KHDRBS2: variants seen among roughly 807,000 people sequenced by gnomAD.
KHDRBS2 encodes KH RNA binding domain containing, signal transduction associated 2, also known as KH domain-containing, RNA-binding, signal transduction-associated protein 2.
A neutral mutation model predicts 44.3 loss-of-function variants in KHDRBS2; 26 were observed. The ratio of observed to expected loss-of-function variants is 0.59; its 90% CI spans 0.43 to 0.81. The LOEUF (loss-of-function observed/expected upper bound fraction) is 0.81. Among genes scored for constraint, KHDRBS2 ranks in the 40% least tolerant of loss-of-function variants. The pLI, the probability that KHDRBS2 is intolerant of heterozygous loss-of-function variation, is 0.00. For synonymous variants in KHDRBS2, 194 were observed against 151.1 expected, an observed-to-expected ratio of 1.28 and a Z score of -2.08; for missense variants, 476 against 433.1, an observed-to-expected ratio of 1.10 and a Z score of -0.88.
At chr6:62,265,407 AGT>A (rs1347024250) in intron 1 of KHDRBS2, among the ~76,000 whole-genome samples, 1 of 151,770 alleles carries the variant, frequency 6.6e-6, no homozygotes, top group Non-Finnish European at 1.5e-5. Context: ...CAGTGAGAGG[AGT>A]GTGTGTATGT....
chr6:61,798,558 A>G (rs1264356291), intron 6 of KHDRBS2, among the ~76,000 whole-genome samples: 3 of 152,114 alleles, frequency 2.0e-5, no homozygotes, highest in Non-Finnish European at 4.4e-5. Context: ...TACTACAGTA[A>G]TCTATAAAAG....
At chr6:61,630,944 G>A in the KHDRBS2 span, among the ~76,000 whole-genome samples, 2 of 152,096 alleles carry the variant, frequency 1.3e-5, no homozygotes, top group African/African-American at 4.8e-5. Flanking sequence ...AGGCAGGATT[G>A]CTTTGGAAAC....
At chr6:62,215,483 G>A (rs925301553) in intron 1 of KHDRBS2, among the ~76,000 whole-genome samples, 1 of 151,780 alleles carries the variant, frequency 6.6e-6, no homozygotes, top group African/African-American at 2.4e-5. Context: ...GAGCACTCTG[G>A]AGCTTTAAGT....
intron 4 of KHDRBS2, among the ~76,000 whole-genome samples, chr6:61,938,032 C>T (rs1046238789): frequency 2.0e-5 from 3 of 152,052 alleles, no homozygotes; most frequent in Admixed American, 2.0e-4. Context: ...AGCTCCAGGA[C>T]ACCTTCTACA....
chr6:61,816,557 G>C, intron 6 of KHDRBS2: 1 of 424,196 alleles, frequency 2.4e-6, no homozygotes, highest in African/African-American at 2.0e-5. Context: ...TGACATATTG[G>C]ACTTCTAGCC....
chr6:62,275,859 T>C (rs1439521716), intron 1 of KHDRBS2, among the ~76,000 whole-genome samples: 1 of 152,206 alleles, frequency 6.6e-6, no homozygotes, highest in East Asian at 1.9e-4. Context: ...ATCTTCCTTT[T>C]TATCTTTTCC....
At chr6:61,735,156 A>C (rs1199406284) in intron 6 of KHDRBS2, among the ~76,000 whole-genome samples, 2 of 152,072 alleles carry the variant, frequency 1.3e-5, no homozygotes, top group Non-Finnish European at 2.9e-5. Flanking sequence ...TTTGGTGATA[A>C]ATTTAAATTA....
chr6:61,614,693 T>C, the KHDRBS2 span, among the ~76,000 whole-genome samples: 1 of 152,170 alleles, frequency 6.6e-6, no homozygotes, highest in Non-Finnish European at 1.5e-5. Context: ...CAGATTCTTT[T>C]ACTTTTTTCA....
At chr6:62,111,069 G>T (rs1471607977) in intron 2 of KHDRBS2, among the ~76,000 whole-genome samples, 4 of 151,952 alleles carry the variant, frequency 2.6e-5, no homozygotes, top group Admixed American at 6.6e-5. Flanking sequence ...CTTATAACTT[G>T]TAACAACCAA....
At chr6:61,731,960 G>T (rs1774526761) in intron 7 of KHDRBS2, among the ~76,000 whole-genome samples, 1 of 152,040 alleles carries the variant, frequency 6.6e-6, no homozygotes, top group Non-Finnish European at 1.5e-5. Context: ...CAGATAGTTG[G>T]TTTCCAGAGC....
chr6:62,204,622 C>T (rs940299535), intron 1 of KHDRBS2, among the ~76,000 whole-genome samples: 4 of 152,068 alleles, frequency 2.6e-5, no homozygotes, highest in South Asian at 2.1e-4. Flanking sequence ...GATGCCCAAC[C>T]GGTATTAGAA....
At chr6:62,156,061 C>T (rs887946988) in intron 2 of KHDRBS2, among the ~76,000 whole-genome samples, 2 of 152,072 alleles carry the variant, frequency 1.3e-5, no homozygotes, top group Non-Finnish European at 1.5e-5. Flanking sequence ...TATGACATTT[C>T]CCCATACATT....
intron 7 of KHDRBS2, among the ~76,000 whole-genome samples, chr6:61,718,006 C>T (rs1211929881): frequency 1.3e-5 from 2 of 151,922 alleles, no homozygotes; most frequent in Admixed American, 6.6e-5. Context: ...ATATATTATA[C>T]TTGGAAAAAT....
chr6:61,562,736 C>T, the KHDRBS2 span, among the ~76,000 whole-genome samples: 6 of 152,162 alleles, frequency 3.9e-5, no homozygotes, highest in Non-Finnish European at 7.4e-5. Context: ...GTCCAAAACA[C>T]GAAACTATCT....
intron 6 of KHDRBS2, among the ~76,000 whole-genome samples, chr6:61,785,128 C>T (rs1222283030): frequency 2.7e-5 from 4 of 150,538 alleles, no homozygotes; most frequent in East Asian, 2.0e-4. Context: ...CCAGCCTGGG[C>T]GAGAGAGTGA....
intron 7 of KHDRBS2, among the ~76,000 whole-genome samples, chr6:61,724,555 T>C (rs572088804): frequency 8.5e-5 from 13 of 152,288 alleles, no homozygotes; most frequent in Admixed American, 6.5e-4. Context: ...GTATGTTGTC[T>C]TCAAGAGACC....
intron 2 of KHDRBS2, among the ~76,000 whole-genome samples, chr6:62,153,508 C>T (rs751344661): frequency 7.3e-5 from 11 of 151,256 alleles, no homozygotes; most frequent in South Asian, 4.2e-4. Flanking sequence ...TTTTTAAGCA[C>T]GAAAAAGTAA....
At chr6:62,119,848 C>G (rs1807171915) in intron 2 of KHDRBS2, among the ~76,000 whole-genome samples, 1 of 152,114 alleles carries the variant, frequency 6.6e-6, no homozygotes, top group African/African-American at 2.4e-5. Flanking sequence ...GCTGATTCTC[C>G]TCAGGAACTA....
chr6:61,883,350 T>C (rs945330936), intron 6 of KHDRBS2, among the ~76,000 whole-genome samples: 1 of 152,046 alleles, frequency 6.6e-6, no homozygotes, highest in African/African-American at 2.4e-5. Context: ...GAGGAAACTT[T>C]AAAATACTTT....
Sources: gnomAD v4.1 joint callset for allele counts (sites outside exome capture counted in the v4.1 genomes callset) on GRCh38, gnomAD v4.1.1 for gene constraint, MANE v1.5 for transcripts, NCBI Gene and HGNC (gene_info 2026-07-23, HGNC 2026-07-21) for gene names.